The following ZNF43 variants were observed in gnomAD, a reference collection of about 807,000 sequenced individuals.
The protein encoded by ZNF43 is zinc finger protein 43.
ZNF43 carries 44 observed loss-of-function variants against 68.4 expected under a neutral mutation model. The ratio of observed to expected loss-of-function variants is 0.64; its 90% CI spans 0.51 to 0.83. The LOEUF is 0.83. ZNF43 is among the 40% of genes least tolerant of loss of function. The probability of loss-of-function intolerance (pLI) is 0.00; values close to 1 mark genes in which losing one functional copy is unlikely to be tolerated. For missense variants in ZNF43, 896 were observed against 933.2 expected (o/e 0.96, Z 0.52); for synonymous variants, 308 against 307.8 (o/e 1.00, Z -0.01).
intron 2 of ZNF43, among the ~76,000 whole-genome samples, chr19:21,818,465 G>A (rs1037985969): frequency 6.6e-6 from 1 of 152,124 alleles, no homozygotes; most frequent in Non-Finnish European, 1.5e-5. Context: ...CTGTTGCCCA[G>A]TCTGGAGTGC....
rs1410069089 is a variant in ZNF43 at position 21,808,532 on chromosome 19, T to A, written c.1505A>T (p.Lys502Ile). Residue 502 changes from lysine (K) to isoleucine (I), a missense_variant, in exon 4 of 4, where the codon AAA becomes ATA. Physicochemically the swap from Lys to Ile is moderately radical, Grantham distance 102 (BLOSUM62 -3). Coordinates refer to ENST00000354959, the MANE Select transcript of ZNF43 (RefSeq NM_003423.4). ...SRSSNLTKHKKIHIEKKPYKC... is the reference protein window; with the variant it reads ...SRSSNLTKHKIIHIEKKPYKC... ...GTAGGGTTTCTTTTCAATGTGAATT[T>A]TCTTATGTTTAGTAAGGTTTGAGGA... The A allele has an allele frequency of 1.2e-6, 2 of 1,611,134 alleles. No homozygotes were observed. The highest frequency in any genetic ancestry group is 1.7e-6 in the Non-Finnish European group (2 of 1,179,418).
intron 1 of ZNF43, among the ~76,000 whole-genome samples, chr19:21,846,370 A>T (rs1373367005): frequency 6.6e-6 from 1 of 152,230 alleles, no homozygotes; most frequent in African/African-American, 2.4e-5. Flanking sequence ...TAAGAATCAC[A>T]TCACCTGTGT....
intron 1 of ZNF43, among the ~76,000 whole-genome samples, chr19:21,825,841 A>G (rs2038094484): frequency 6.6e-6 from 1 of 152,186 alleles, no homozygotes. Flanking sequence ...TCAGGAGGTC[A>G]AGAGATCAAG....
intron 1 of ZNF43, among the ~76,000 whole-genome samples, chr19:21,831,020 G>C (rs896259867): frequency 6.6e-6 from 1 of 152,140 alleles, no homozygotes; most frequent in African/African-American, 2.4e-5. Flanking sequence ...TATCTCAATA[G>C]ATGCAGAAAA....
At chr19:21,828,442 C>T (rs188207027) in intron 1 of ZNF43, among the ~76,000 whole-genome samples, 15 of 151,862 alleles carry the variant, frequency 9.9e-5, no homozygotes, top group Admixed American at 4.6e-4. Context: ...AGGCCAGGCG[C>T]GGTGGCTCAT....
chr19:21,835,359 T>A (rs1448070943), intron 1 of ZNF43, among the ~76,000 whole-genome samples: 11 of 147,490 alleles, frequency 7.5e-5, no homozygotes, highest in Non-Finnish European at 1.4e-4. Flanking sequence ...AGTTTAGTTT[T>A]TTTTTTTTTT....
At chr19:21,839,331 CAA>C (rs61335194), upstream of ZNF43, among the ~76,000 whole-genome samples, 3 of 28,298 alleles carry the variant, frequency 1.1e-4, no homozygotes, top group Non-Finnish European at 1.4e-4. Flanking sequence ...AGAGATCAGG[CAA>C]AAAAAAAAAA....
upstream of ZNF43, among the ~76,000 whole-genome samples, chr19:21,838,545 G>A (rs1450651830): frequency 6.6e-6 from 1 of 151,910 alleles, no homozygotes; most frequent in Non-Finnish European, 1.5e-5. Flanking sequence ...GATTACAGAT[G>A]TGCGCTACCA....
At chr19:21,825,253 A>G (rs976637428) in intron 1 of ZNF43, among the ~76,000 whole-genome samples, 5 of 152,066 alleles carry the variant, frequency 3.3e-5, no homozygotes, top group African/African-American at 4.8e-5. Flanking sequence ...CAACCCAACC[A>G]ACCAAAAAAA....
intron 1 of ZNF43, among the ~76,000 whole-genome samples, chr19:21,843,568 T>A (rs1272029076): frequency 2.0e-5 from 3 of 152,118 alleles, no homozygotes; most frequent in Admixed American, 2.0e-4. Context: ...GGCAGGTGGA[T>A]CACCTGAGGT....
chr19:21,849,542 G>A (rs1170345622), intron 1 of ZNF43, among the ~76,000 whole-genome samples: 1 of 142,826 alleles, frequency 7.0e-6, no homozygotes, highest in Non-Finnish European at 1.5e-5. Context: ...GGGCATGGTA[G>A]CTCATGCCTG....
In ZNF43 at chr19:21,808,332, C is replaced by T. The variant is rs1437851206; in HGVS notation, c.1705G>A (p.Glu569Lys). Residue 569 changes from glutamate to lysine, a missense_variant, in exon 4 of 4, where the codon GAA becomes AAA. Coordinates refer to ENST00000354959, the MANE Select transcript of ZNF43 (RefSeq NM_003423.4). Reference protein sequence around the residue: ...IHTGEKPYKCEECGKAFTQSS... With the variant: ...IHTGEKPYKCKECGKAFTQSS... ...TGGGTAAAAGCTTTGCCACATTCTT[C>T]ACACTTGTAGGGTTTCTCTCCAGTA... The T allele has an allele frequency of 1.2e-6, 2 of 1,613,186 alleles. No individual in the cohort carries two copies. Among genetic ancestry groups the T allele is most frequent in the East Asian group, 4.5e-5 (2 of 44,820 alleles).
chr19:21,818,010 C>A (rs374789685), intron 2 of ZNF43, 24 bp from the exon 3 acceptor site: 1 of 1,596,508 alleles, frequency 6.3e-7, no homozygotes, highest in African/African-American at 1.3e-5. Context: ...AAATAAATTA[C>A]GTGAATCTTG....
At chr19:21,822,762 G>A (rs1599486153) in intron 1 of ZNF43, among the ~76,000 whole-genome samples, 1 of 151,730 alleles carries the variant, frequency 6.6e-6, no homozygotes, top group South Asian at 2.1e-4. Context: ...CCGAGATCGC[G>A]CCACTGCACT....
intron 1 of ZNF43, among the ~76,000 whole-genome samples, chr19:21,821,246 T>C (rs2037829850): frequency 1.3e-5 from 2 of 150,102 alleles, no homozygotes; most frequent in Non-Finnish European, 3.0e-5. Context: ...CCTGGGTTCA[T>C]GTCATTCTCC....
intron 2 of ZNF43, 80 bp downstream of exon 2, chr19:21,819,015 T>C: frequency 6.5e-7 from 1 of 1,531,780 alleles, no homozygotes; most frequent in Admixed American, 2.3e-5. Flanking sequence ...AAAGTATAAA[T>C]TACCAAAAAA....
intron 1 of ZNF43, among the ~76,000 whole-genome samples, chr19:21,830,555 G>GAAAAA (rs562293163): frequency 9.8e-6 from 1 of 101,946 alleles, no homozygotes; most frequent in Non-Finnish European, 2.1e-5. Context: ...TCCAAAGACT[G>GAAAAA]AAAAAAAAAA....
At position 21,805,947 on chromosome 19, in the gene ZNF43, TA is replaced by T. The variant is rs1200641272; in HGVS notation, c.*1659del. On this transcript the variant is annotated 3_prime_UTR_variant, in exon 4 of 4. Coordinates refer to ENST00000354959, the MANE Select transcript of ZNF43 (RefSeq NM_003423.4). ...GTACAATGGTCTTAACACATTTTTTTAAAAGTTATATTTACATGTAATCTAA... is the reference window on the plus strand; with the variant it reads ...GTACAATGGTCTTAACACATTTTTTTAAAGTTATATTTACATGTAATCTAA... The T allele has an allele frequency of 6.6e-6, 1 of 152,108 alleles. No homozygotes were observed. Among genetic ancestry groups the T allele is most frequent in the African/African-American group, 2.4e-5 (1 of 41,390 alleles). The allele number at this position is 152,108 out of a possible 1,614,324, so 9.4% of individuals were successfully genotyped here. A position where few individuals can be genotyped will look rare whatever the true frequency, so the allele number is the denominator to read the frequency against.
At chr19:21,821,467 A>C (rs866056292) in intron 1 of ZNF43, among the ~76,000 whole-genome samples, 3 of 152,176 alleles carry the variant, frequency 2.0e-5, no homozygotes, top group Middle Eastern at 3.2e-3. Flanking sequence ...TTTCTGCTTT[A>C]TAAATGTCTT....
Sources: allele counts gnomAD v4.1 joint callset (sites outside exome capture counted in the v4.1 genomes callset), GRCh38; gene constraint gnomAD v4.1.1; transcripts MANE v1.5; gene names NCBI Gene and HGNC (gene_info 2026-07-23, HGNC 2026-07-21).